The following TRIM44 variants were observed in gnomAD, a reference collection of about 807,000 sequenced individuals.
TRIM44 encodes the protein tripartite motif-containing protein 44.
A neutral mutation model predicts 37.4 loss-of-function variants in TRIM44; 13 were observed. The observed-to-expected ratio is 0.35, with a 90% CI of 0.23 to 0.55. The LOEUF (loss-of-function observed/expected upper bound fraction) is 0.55, where lower values mean the gene tolerates loss of function less well. TRIM44 is among the 20% of genes least tolerant of loss of function. TRIM44 has a pLI of 0.89. For missense variants in TRIM44, 426 were observed against 437.2 expected, an observed-to-expected ratio of 0.97 and a Z score of 0.23; for synonymous variants, 175 against 157.2, an observed-to-expected ratio of 1.11 and a Z score of -0.85.
chr11:35,782,044 A>G (rs1322484811), intron 4 of TRIM44, among the ~76,000 whole-genome samples: 1 of 152,250 alleles, frequency 6.6e-6, no homozygotes, highest in Non-Finnish European at 1.5e-5. Flanking sequence ...GTGCTAAGAA[A>G]TTGTATAAAT....
intron 4 of TRIM44, among the ~76,000 whole-genome samples, chr11:35,772,176 G>A (rs1329250599): frequency 1.3e-5 from 2 of 152,230 alleles, no homozygotes; most frequent in Non-Finnish European, 2.9e-5. Context: ...AAGAACTAAA[G>A]TTTGAGAACC....
At chr11:35,685,874 G>A (rs886996013) in intron 2 of TRIM44, among the ~76,000 whole-genome samples, 4 of 152,142 alleles carry the variant, frequency 2.6e-5, no homozygotes, top group African/African-American at 9.7e-5. Context: ...ATGTTGGTCA[G>A]GCTGGTCTCG....
chr11:35,741,360 C>T (rs1248164037), intron 4 of TRIM44, among the ~76,000 whole-genome samples: 2 of 152,160 alleles, frequency 1.3e-5, no homozygotes, highest in African/African-American at 4.8e-5. Context: ...CCAAAGCATA[C>T]CTCCTTGCTA....
intron 4 of TRIM44, among the ~76,000 whole-genome samples, chr11:35,777,186 A>C (rs1205806188): frequency 6.6e-6 from 1 of 152,192 alleles, no homozygotes; most frequent in Non-Finnish European, 1.5e-5. Context: ...TTCTTGTTGA[A>C]TTGATCCCTT....
intron 4 of TRIM44, among the ~76,000 whole-genome samples, chr11:35,760,134 G>C (rs1269198302): frequency 6.6e-6 from 1 of 152,204 alleles, no homozygotes; most frequent in African/African-American, 2.4e-5. Context: ...GCTGTGGTGG[G>C]CTCCACCTAG....
At chr11:35,671,757 A>G (rs1447552797) in intron 1 of TRIM44, among the ~76,000 whole-genome samples, 3 of 152,230 alleles carry the variant, frequency 2.0e-5, no homozygotes, top group Non-Finnish European at 4.4e-5. Flanking sequence ...TAAGATCAGC[A>G]TTTAGTCACT....
chr11:35,678,544 A>G (rs144387037), intron 1 of TRIM44, among the ~76,000 whole-genome samples: 47 of 152,152 alleles, frequency 3.1e-4, no homozygotes, highest in African/African-American at 1.1e-3. Flanking sequence ...CCTTTTGACA[A>G]AACTTTGCTT....
chr11:35,699,591 A>T (rs573628431), intron 2 of TRIM44, among the ~76,000 whole-genome samples: 1 of 152,118 alleles, frequency 6.6e-6, no homozygotes, highest in African/African-American at 2.4e-5. Context: ...TAGTGTTGAA[A>T]GTCCTGGCCA....
intron 4 of TRIM44, among the ~76,000 whole-genome samples, chr11:35,747,926 G>A (rs1260940424): frequency 1.3e-5 from 2 of 151,902 alleles, no homozygotes; most frequent in Non-Finnish European, 2.9e-5. Flanking sequence ...TTGCAGGAGG[G>A]AAAACTTAGC....
In TRIM44 at chr11:35,812,071, C is replaced by T. The variant is rs2133889512; in HGVS notation, c.*5686C>T. 6.6e-6 allele frequency: 1 copy of T among 152,326 alleles called. No homozygotes were observed. Among genetic ancestry groups the T allele is most frequent in the Admixed American group, 6.5e-5 (1 of 15,290 alleles). The allele number at this position is 152,326 out of a possible 1,614,324, so 9.4% of individuals were successfully genotyped here. On this transcript the variant is annotated 3_prime_UTR_variant, in exon 5 of 5. Transcript: ENST00000299413. Reference sequence around the variant, plus strand: ...CACAATGTGTTTGGAGGTTTTCTTCCCTGCTTCCTGGTGCCAGTATCTCAA... The same window carrying T: ...CACAATGTGTTTGGAGGTTTTCTTCTCTGCTTCCTGGTGCCAGTATCTCAA...
chr11:35,768,576 A>G (rs556618234), intron 4 of TRIM44, among the ~76,000 whole-genome samples: 1 of 152,182 alleles, frequency 6.6e-6, no homozygotes, highest in Admixed American at 6.5e-5. Context: ...AATGAATTCT[A>G]TGTGCCATTT....
In TRIM44 at chr11:35,718,925, G is replaced by C. The variant is rs76860706; in HGVS notation, c.748-6999G>C. ...TTTTCTTCTTTTTTTGGTGGGGCGGGGGGGTTGATTAATATTCTGTTGTCT... is the reference window on the plus strand; with the variant it reads ...TTTTCTTCTTTTTTTGGTGGGGCGGCGGGGTTGATTAATATTCTGTTGTCT... On this transcript the variant is annotated intron_variant, in intron 2 of 4. Coordinates refer to ENST00000299413, the MANE Select transcript of TRIM44 (RefSeq NM_017583.6). Among the ~76,000 whole-genome samples the C allele has an allele frequency of 7.2e-4, 109 of 151,402 alleles. 2 individuals carry two copies. The East Asian group carries it at 0.019, about 27-fold the overall frequency.
At chr11:35,686,130 C>T (rs1301372198) in intron 2 of TRIM44, among the ~76,000 whole-genome samples, 1 of 151,784 alleles carries the variant, frequency 6.6e-6, no homozygotes, top group Non-Finnish European at 1.5e-5. Flanking sequence ...TTTAAGTGTC[C>T]CGGCTTTTTT....
intron 4 of TRIM44, among the ~76,000 whole-genome samples, chr11:35,770,662 C>G (rs1447712524): frequency 2.0e-5 from 3 of 152,034 alleles, no homozygotes; most frequent in Non-Finnish European, 4.4e-5. Flanking sequence ...GAACATTTTT[C>G]CATATGTTTG....
At chr11:35,801,320 C>T (rs933224263) in intron 4 of TRIM44, among the ~76,000 whole-genome samples, 5 of 152,174 alleles carry the variant, frequency 3.3e-5, no homozygotes, top group Non-Finnish European at 7.3e-5. Flanking sequence ...CTTGTCAATA[C>T]CTCTTAATTC....
At chr11:35,681,033 A>T (rs1057166005) in intron 1 of TRIM44, among the ~76,000 whole-genome samples, 2 of 152,124 alleles carry the variant, frequency 1.3e-5, no homozygotes, top group East Asian at 3.8e-4. Flanking sequence ...TATATGTTAT[A>T]AATCTTTTTC....
intron 2 of TRIM44, among the ~76,000 whole-genome samples, chr11:35,687,553 C>G (rs142072172): frequency 3.9e-5 from 6 of 152,254 alleles, no homozygotes; most frequent in Non-Finnish European, 7.4e-5. Context: ...ATTCTGATTC[C>G]GCCAAACTTA....
At chr11:35,735,025 C>T (rs1852311266) in intron 3 of TRIM44, among the ~76,000 whole-genome samples, 1 of 152,174 alleles carries the variant, frequency 6.6e-6, no homozygotes, top group African/African-American at 2.4e-5. Context: ...TAGAACAAGG[C>T]AGAAATGAGT....
rs545796993 is a variant in TRIM44, at chr11:35,722,873, G to A, written c.748-3051G>A. Among the ~76,000 whole-genome samples the A allele has an allele frequency of 2.6e-5, 4 of 152,258 alleles. No individual in the cohort carries two copies. The South Asian group carries it at 8.3e-4, about 32-fold the overall frequency. On this transcript the variant is annotated intron_variant, in intron 2 of 4. Coordinates refer to ENST00000299413, the MANE Select transcript of TRIM44 (RefSeq NM_017583.6). ...TTCAGACGCCTGTGACAAAACAAAT[G>A]TTTCTGAAATATTCAGTGTAGATTT...
Sources: allele counts gnomAD v4.1 joint callset (sites outside exome capture counted in the v4.1 genomes callset), GRCh38; gene constraint gnomAD v4.1.1; transcripts MANE v1.5; gene names NCBI Gene and HGNC (gene_info 2026-07-23, HGNC 2026-07-21).